Variants in SLCO6A1 observed in about 807,000 individuals in gnomAD.
SLCO6A1 encodes solute carrier organic anion transporter family member 6A1.
SLCO6A1 carries 65 observed loss-of-function variants against 72.7 expected under a neutral mutation model. The ratio of observed to expected loss-of-function variants is 0.89; its 90% CI spans 0.73 to 1.10. The LOEUF is 1.10. SLCO6A1 is among the 50% of genes least tolerant of loss of function. The probability of loss-of-function intolerance (pLI) is 0.00; values close to 1 mark genes in which losing one functional copy is unlikely to be tolerated. For synonymous variants in SLCO6A1, 314 were observed against 298.2 expected (o/e 1.05, Z -0.55); for missense variants, 874 against 872.6 (o/e 1.00, Z -0.02).
chr5:102,429,263 CT>C (rs1356730204), intron 7 of SLCO6A1, among the ~76,000 whole-genome samples: 1 of 152,144 alleles, frequency 6.6e-6, no homozygotes, highest in African/African-American at 2.4e-5. Context: ...GTCTAGTTTA[CT>C]CTGTTGATAG....
chr5:102,490,021 T>G (rs914814441), intron 1 of SLCO6A1, among the ~76,000 whole-genome samples: 1 of 152,210 alleles, frequency 6.6e-6, no homozygotes, highest in African/African-American at 2.4e-5. Context: ...CTCACTCATA[T>G]GTATAATCTA....
At chr5:102,496,635 T>C (rs2112876523) in intron 1 of SLCO6A1, among the ~76,000 whole-genome samples, 1 of 152,344 alleles carries the variant, frequency 6.6e-6, no homozygotes, top group Admixed American at 6.5e-5. Context: ...GAATTATGTC[T>C]GGTATTTAAA....
At chr5:102,412,326 C>T (rs1748032018) in intron 9 of SLCO6A1, among the ~76,000 whole-genome samples, 1 of 152,112 alleles carries the variant, frequency 6.6e-6, no homozygotes, top group South Asian at 2.1e-4. Flanking sequence ...GTGTCACAGG[C>T]CATGGTCACT....
At chr5:102,397,248 C>A (rs1051178322) in intron 10 of SLCO6A1, among the ~76,000 whole-genome samples, 1 of 152,042 alleles carries the variant, frequency 6.6e-6, no homozygotes, top group African/African-American at 2.4e-5. Context: ...TAGGCAGAAT[C>A]CTTTCCTTTT....
At chr5:102,400,736 ATT>A (rs1747352560) in intron 9 of SLCO6A1, among the ~76,000 whole-genome samples, 1 of 152,156 alleles carries the variant, frequency 6.6e-6, no homozygotes, top group African/African-American at 2.4e-5. Flanking sequence ...AATCTGGGTT[ATT>A]CAGAAAATTA....
intron 8 of SLCO6A1, 131 bp from the exon 9 acceptor site, chr5:102,413,274 G>T (rs1370167780): frequency 2.4e-5 from 20 of 840,402 alleles, no homozygotes; most frequent in Non-Finnish European, 3.5e-5. Flanking sequence ...CTTTACTGAG[G>T]TCTGAGGTAC....
intron 6 of SLCO6A1, among the ~76,000 whole-genome samples, chr5:102,447,698 A>C (rs1750191596): frequency 6.6e-6 from 1 of 152,042 alleles, no homozygotes; most frequent in Non-Finnish European, 1.5e-5. Context: ...TTTTTTGTAT[A>C]ACTGTGAGGT....
At chr5:102,467,309 C>T (rs1751360677) in intron 4 of SLCO6A1, among the ~76,000 whole-genome samples, 1 of 152,010 alleles carries the variant, frequency 6.6e-6, no homozygotes, top group African/African-American at 2.4e-5. Flanking sequence ...GTCCTAGCTA[C>T]TCCAGAGGTG....
At chr5:102,417,413 C>G (rs12109682) in intron 8 of SLCO6A1, among the ~76,000 whole-genome samples, 2 of 151,404 alleles carry the variant, frequency 1.3e-5, no homozygotes, top group Non-Finnish European at 2.9e-5. Context: ...TTTTTGTTCA[C>G]TTTTTCCTTT....
chr5:102,468,060 C>T (rs572047999), intron 4 of SLCO6A1, among the ~76,000 whole-genome samples: 1 of 152,086 alleles, frequency 6.6e-6, no homozygotes, highest in Admixed American at 6.6e-5. Flanking sequence ...CAAAGAAATG[C>T]TTAATTTCCA....
At chr5:102,415,770 A>C (rs1290977500) in intron 8 of SLCO6A1, among the ~76,000 whole-genome samples, 1 of 152,142 alleles carries the variant, frequency 6.6e-6, no homozygotes, top group Non-Finnish European at 1.5e-5. Context: ...GTGAACAAAC[A>C]ACCTGAAGTT....
chr5:102,419,693 TTTC>T, intron 8 of SLCO6A1, 130 bp downstream of exon 8: 1 of 720,070 alleles, frequency 1.4e-6, no homozygotes, highest in Non-Finnish European at 2.2e-6. Context: ...GTACTTTATA[TTTC>T]TTTTATGTGT....
At position 102,491,620 on chromosome 5, in the gene SLCO6A1, G is replaced by A. The variant is rs540761206; in HGVS notation, c.358+6867C>T. Among the ~76,000 whole-genome samples, 217 of 152,374 alleles carry A rather than the reference G, an allele frequency of 1.4e-3. 1 individual carries two copies. The highest frequency in any genetic ancestry group is 8.4e-4 in the Non-Finnish European group (57 of 68,042). Reference sequence around the variant, plus strand: ...AAGCCCCTCACTGCCTGGGGCCTGCGGGTGGCCCGGTGGCTCCGAGTTCAG... The same window carrying A: ...AAGCCCCTCACTGCCTGGGGCCTGCAGGTGGCCCGGTGGCTCCGAGTTCAG... On this transcript the variant is annotated intron_variant, in intron 1 of 13. Coordinates refer to ENST00000506729, the MANE Select transcript of SLCO6A1 (RefSeq NM_173488.5).
intron 8 of SLCO6A1, among the ~76,000 whole-genome samples, chr5:102,415,772 C>T (rs929205123): frequency 2.6e-5 from 4 of 151,964 alleles, no homozygotes; most frequent in African/African-American, 9.7e-5. Context: ...GAACAAACAA[C>T]CTGAAGTTTA....
intron 1 of SLCO6A1, among the ~76,000 whole-genome samples, chr5:102,485,479 G>A (rs957002357): frequency 6.6e-6 from 1 of 152,086 alleles, no homozygotes; most frequent in African/African-American, 2.4e-5. Context: ...GATCTTTCTT[G>A]TCATGGGGTG....
intron 6 of SLCO6A1, among the ~76,000 whole-genome samples, chr5:102,440,321 G>A (rs1480509946): frequency 2.0e-5 from 3 of 152,114 alleles, no homozygotes; most frequent in African/African-American, 7.2e-5. Flanking sequence ...TCTGCATCCT[G>A]TTAGATCAGC....
intron 12 of SLCO6A1, among the ~76,000 whole-genome samples, chr5:102,383,094 G>GTGTGTGTGT: frequency 0.25 from 34,952 of 140,388 alleles, 4,978 homozygotes; most frequent in Non-Finnish European, 0.29. Context: ...ATATGTGTGT[G>GTGTGTGTGT]AATATATATA....
intron 12 of SLCO6A1, among the ~76,000 whole-genome samples, chr5:102,387,556 T>C (rs1378631477): frequency 1.3e-5 from 2 of 152,208 alleles, no homozygotes; most frequent in Non-Finnish European, 2.9e-5. Flanking sequence ...TCATTTTGAC[T>C]TTTTTGATTT....
intron 10 of SLCO6A1, among the ~76,000 whole-genome samples, chr5:102,397,503 G>T (rs1747153599): frequency 6.6e-6 from 1 of 152,046 alleles, no homozygotes; most frequent in African/African-American, 2.4e-5. Flanking sequence ...GAGGTTATAT[G>T]CATTCATTTG....
Sources: gnomAD v4.1 joint callset for allele counts (sites outside exome capture counted in the v4.1 genomes callset) on GRCh38, gnomAD v4.1.1 for gene constraint, MANE v1.5 for transcripts, NCBI Gene and HGNC (gene_info 2026-07-23, HGNC 2026-07-21) for gene names.